The following FAR1 variants were observed in gnomAD, a reference collection of about 807,000 sequenced individuals.
FAR1 encodes the protein fatty acyl-CoA reductase 1.
Under a neutral mutation model 61.1 loss-of-function variants are expected in FAR1, and 22 were observed. That is an observed-to-expected ratio of 0.36 (90% CI 0.26 to 0.51). FAR1 has a LOEUF of 0.51. Ranked by LOEUF, FAR1 falls within the 20% of genes least tolerant of loss-of-function variation. The pLI is 0.95. For synonymous variants in FAR1, 206 were observed against 209.7 expected (o/e 0.98, Z 0.15); for missense variants, 359 against 626.9 (o/e 0.57, Z 4.56).
At position 13,728,799 on chromosome 11, in the gene FAR1, A is replaced by G. The variant is rs369708598; in HGVS notation, c.*25A>G. 4.7e-5 allele frequency: 75 copies of G among 1,597,558 alleles called. No homozygotes were observed. Among genetic ancestry groups the G allele is most frequent in the Non-Finnish European group, 4.3e-6 (5 of 1,168,610 alleles). ...AAGACCAAGGATTCAGCATTAGAACATCTATACATATGGTGATCTAAATGT... is the reference window on the plus strand; with the variant it reads ...AAGACCAAGGATTCAGCATTAGAACGTCTATACATATGGTGATCTAAATGT... On this transcript the variant is annotated 3_prime_UTR_variant, in exon 12 of 12. Coordinates refer to ENST00000354817, the MANE Select transcript of FAR1 (RefSeq NM_032228.6).
Position 13,721,660 on chromosome 11 carries a change from C to T in FAR1, c.1128-70C>T. On this transcript the variant is annotated intron_variant, in intron 9 of 11. Coordinates refer to ENST00000354817, the MANE Select transcript of FAR1 (RefSeq NM_032228.6). The surrounding 1 kb of genome is among the most constrained non-coding windows in gnomAD (Gnocchi z 4.2). The stretch of plus-strand genomic sequence containing the variant: ...TCTATATTATAGGGGGAAACTTGCA[C>T]CCTGGGTGGTGATAGGATTTTTCCT... The T allele has an allele frequency of 7.3e-7, 1 of 1,361,702 alleles. No homozygotes were observed. The highest frequency in any genetic ancestry group is 2.4e-5 in the East Asian group (1 of 41,270). The allele number at this position is 1,361,702 out of a possible 1,614,324, so 84.4% of individuals were successfully genotyped here. A position where few individuals can be genotyped will look rare whatever the true frequency, so the allele number is the denominator to read the frequency against.
intron 1 of FAR1, among the ~76,000 whole-genome samples, chr11:13,674,850 A>T (rs1324510772): frequency 6.6e-6 from 1 of 152,206 alleles, no homozygotes; most frequent in Non-Finnish European, 1.5e-5. Flanking sequence ...TATTGGATAG[A>T]TGTACAAAGA....
chr11:13,680,928 C>T (rs1358986859), intron 1 of FAR1, among the ~76,000 whole-genome samples: 2 of 152,182 alleles, frequency 1.3e-5, no homozygotes, highest in African/African-American at 4.8e-5. Context: ...GTTTTCAATG[C>T]TTCAGATGGG....
rs1022911303 is a variant in FAR1, at chr11:13,721,556, A to C, written c.1128-174A>C. On this transcript the variant is annotated intron_variant, in intron 9 of 11. Coordinates refer to ENST00000354817, the MANE Select transcript of FAR1 (RefSeq NM_032228.6). This position sits in a 1 kb window ranked among gnomAD's most constrained non-coding sequence, Gnocchi z 4.2. Reference sequence around the variant, plus strand: ...TTCCTTTTGGATTTATAAATTGTTCATCCAAGATGCAGAAATAGTCTTATT... The same window carrying C: ...TTCCTTTTGGATTTATAAATTGTTCCTCCAAGATGCAGAAATAGTCTTATT... The C allele has an allele frequency of 2.3e-4, 123 of 524,284 alleles. No individual in the cohort carries two copies. Among genetic ancestry groups the C allele is most frequent in the Middle Eastern group, 5.1e-4 (1 of 1,958 alleles). 32.5% of individuals were successfully genotyped at this position (524,284 alleles called of 1,614,324 possible). A position where few individuals can be genotyped will look rare whatever the true frequency, so the allele number is the denominator to read the frequency against.
chr11:13,688,322 C>T (rs930415191), intron 1 of FAR1, among the ~76,000 whole-genome samples: 4 of 151,914 alleles, frequency 2.6e-5, no homozygotes, highest in Non-Finnish European at 4.4e-5. Flanking sequence ...TGAAAGAAGC[C>T]GCTTCATTCT....
rs1848628899 is a variant in FAR1 at position 13,723,038 on chromosome 11, T to A, written c.1257+1179T>A. Among the ~76,000 whole-genome samples the A allele has an allele frequency of 2.0e-5, 3 of 152,108 alleles. No homozygotes were observed. In the South Asian group the frequency reaches 6.2e-4, roughly 31 times the overall value. On this transcript the variant is annotated intron_variant, in intron 10 of 11. Coordinates refer to ENST00000354817, the MANE Select transcript of FAR1 (RefSeq NM_032228.6). ...TTGATTGTCTGATATGTGTGTTGTT[T>A]CACCCTTGGTTTTGGAACATGATTT...
chr11:13,678,086 A>G (rs1232609635), intron 1 of FAR1, among the ~76,000 whole-genome samples: 3 of 152,222 alleles, frequency 2.0e-5, no homozygotes, highest in Non-Finnish European at 1.5e-5. Context: ...ACGGACTTCT[A>G]CGTTTTGAGT....
chr11:13,683,205 C>T (rs2134171748), intron 1 of FAR1, among the ~76,000 whole-genome samples: 1 of 152,092 alleles, frequency 6.6e-6, no homozygotes, highest in African/African-American at 2.4e-5. Flanking sequence ...CCAGCCTGGC[C>T]AACATGGTGA....
At chr11:13,677,227 C>T (rs910560270) in intron 1 of FAR1, among the ~76,000 whole-genome samples, 3 of 152,204 alleles carry the variant, frequency 2.0e-5, no homozygotes, top group African/African-American at 7.2e-5. Context: ...CCATCTTTAA[C>T]ATAATAACCC....
At chr11:13,708,603 A>G (rs1031747496) in intron 4 of FAR1, among the ~76,000 whole-genome samples, 4 of 152,088 alleles carry the variant, frequency 2.6e-5, no homozygotes, top group African/African-American at 9.7e-5. Flanking sequence ...TATAATGGTA[A>G]TATTTGGAGG....
Position 13,721,490 on chromosome 11 carries a change from G to A in FAR1, c.1128-240G>A, listed in dbSNP as rs2134199245. ...ATATCAGCAGAACTCTGTTTAGGTG[G>A]TATTAAATGCATTTGCTGCTGCTTT... is the stretch of plus-strand genomic sequence containing the variant. On this transcript the variant is annotated intron_variant, in intron 9 of 11. Coordinates refer to ENST00000354817, the MANE Select transcript of FAR1 (RefSeq NM_032228.6). This position sits in a 1 kb window ranked among gnomAD's most constrained non-coding sequence, Gnocchi z 4.2. The A allele has an allele frequency of 2.6e-6, 1 of 382,418 alleles. No homozygotes were observed. The highest frequency in any genetic ancestry group is 2.1e-5 in the African/African-American group (1 of 47,350). 23.7% of individuals were successfully genotyped at this position (382,418 alleles called of 1,614,324 possible).
At chr11:13,681,916 G>A (rs1412714603) in intron 1 of FAR1, among the ~76,000 whole-genome samples, 1 of 152,034 alleles carries the variant, frequency 6.6e-6, no homozygotes, top group African/African-American at 2.4e-5. Context: ...ATTATATCAA[G>A]TTTTTGAACA....
At chr11:13,708,447 GCACACACACA>G (rs61253307) in intron 4 of FAR1, among the ~76,000 whole-genome samples, 21 of 136,700 alleles carry the variant, frequency 1.5e-4, no homozygotes, top group East Asian at 2.1e-4. Context: ...GCGCGCGCGC[GCACACACACA>G]CACACACACA....
chr11:13,722,535 A>C (rs938269388), intron 10 of FAR1, among the ~76,000 whole-genome samples: 2 of 151,408 alleles, frequency 1.3e-5, no homozygotes, highest in Non-Finnish European at 2.9e-5. Context: ...GTGCAATGGC[A>C]CAATCTTGGC....
intron 10 of FAR1, among the ~76,000 whole-genome samples, chr11:13,725,458 AAGT>A (rs1848659297): frequency 6.6e-6 from 1 of 150,916 alleles, no homozygotes; most frequent in Non-Finnish European, 1.5e-5. Flanking sequence ...AAAAAAAAAA[AAGT>A]AATCCTATTG....
chr11:13,695,358 C>G (rs1388799868), intron 2 of FAR1, among the ~76,000 whole-genome samples: 1 of 152,028 alleles, frequency 6.6e-6, no homozygotes, highest in Admixed American at 6.6e-5. Flanking sequence ...CTTACTCCCC[C>G]ACAACAGTAT....
intron 3 of FAR1, among the ~76,000 whole-genome samples, chr11:13,707,663 A>C (rs1284406518): frequency 6.6e-6 from 1 of 152,164 alleles, no homozygotes; most frequent in Non-Finnish European, 1.5e-5. Flanking sequence ...ATAATTTTTA[A>C]ATTTCTACTT....
chr11:13,676,871 A>G (rs759313656), intron 1 of FAR1, among the ~76,000 whole-genome samples: 2 of 152,194 alleles, frequency 1.3e-5, no homozygotes, highest in Non-Finnish European at 2.9e-5. Flanking sequence ...GTAGGAAACA[A>G]CTTATTCCAA....
intron 1 of FAR1, among the ~76,000 whole-genome samples, chr11:13,682,381 C>T (rs1044258062): frequency 3.3e-5 from 5 of 152,146 alleles, no homozygotes; most frequent in Non-Finnish European, 5.9e-5. Context: ...AAACTATGGC[C>T]TGCAAACTGT....
Sources: allele counts gnomAD v4.1 joint callset (sites outside exome capture counted in the v4.1 genomes callset), GRCh38; gene constraint gnomAD v4.1.1; non-coding constraint Gnocchi (gnomAD v3.1); transcripts MANE v1.5; gene names NCBI Gene and HGNC (gene_info 2026-07-23, HGNC 2026-07-21).